SGCZ: variants seen among roughly 807,000 people sequenced by gnomAD.
The protein encoded by SGCZ is sarcoglycan zeta.
In SGCZ, 40 loss-of-function variants were observed where a neutral mutation model predicts 41.3. That is an observed-to-expected ratio of 0.97 (90% CI 0.75 to 1.26). SGCZ has a LOEUF of 1.26. Ranked by LOEUF, SGCZ falls within the 50% of genes most tolerant of loss-of-function variation. The pLI, the probability that SGCZ is intolerant of heterozygous loss-of-function variation, is 0.00. For synonymous variants in SGCZ, 206 were observed against 137.5 expected (o/e 1.50, Z -3.49); for missense variants, 552 against 369.8 (o/e 1.49, Z -4.04).
intron 2 of SGCZ, among the ~76,000 whole-genome samples, chr8:14,514,666 T>C (rs564951584): frequency 1.4e-5 from 2 of 148,022 alleles, no homozygotes; most frequent in Non-Finnish European, 3.0e-5. Context: ...TTTACATATA[T>C]ATGTAAATAT....
intron 2 of SGCZ, among the ~76,000 whole-genome samples, chr8:14,500,651 C>T (rs7829721): frequency 0.26 from 38,708 of 151,620 alleles, 4,957 homozygotes; most frequent in Admixed American, 0.29. Flanking sequence ...AAAATATATA[C>T]CTGTATTATT....
At chr8:15,213,411 C>A (rs924649203) in intron 1 of SGCZ, among the ~76,000 whole-genome samples, 60 of 151,392 alleles carry the variant, frequency 4.0e-4, no homozygotes, top group Admixed American at 7.9e-4. Flanking sequence ...TTCAATGTTT[C>A]TATATGTGAA....
At chr8:14,718,103 ACTCT>A (rs1228669476) in intron 1 of SGCZ, among the ~76,000 whole-genome samples, 3 of 151,020 alleles carry the variant, frequency 2.0e-5, no homozygotes, top group South Asian at 2.1e-4. Flanking sequence ...AATAACTGTG[ACTCT>A]CTAAGCTAAA....
intron 1 of SGCZ, among the ~76,000 whole-genome samples, chr8:15,173,175 G>T (rs1180719872): frequency 6.6e-6 from 1 of 152,164 alleles, no homozygotes; most frequent in Non-Finnish European, 1.5e-5. Context: ...GTGACCTTTA[G>T]CAATTTTTTA....
intron 1 of SGCZ, among the ~76,000 whole-genome samples, chr8:15,164,117 G>C (rs147454056): frequency 3.2e-4 from 49 of 152,262 alleles, no homozygotes; most frequent in Middle Eastern, 3.4e-3. Flanking sequence ...CATTCAAATT[G>C]TCAGCAAGCC....
intron 1 of SGCZ, among the ~76,000 whole-genome samples, chr8:14,821,077 G>T (rs1478784998): frequency 1.3e-5 from 2 of 151,732 alleles, no homozygotes; most frequent in Non-Finnish European, 3.0e-5. Flanking sequence ...CAAACCTTAA[G>T]ATAGACAACA....
At chr8:15,055,299 A>G (rs1804665360) in intron 1 of SGCZ, among the ~76,000 whole-genome samples, 1 of 152,206 alleles carries the variant, frequency 6.6e-6, no homozygotes, top group East Asian at 1.9e-4. Context: ...CCTGGTTCAC[A>G]TAAATTCTCA....
At chr8:14,856,903 C>A (rs1169068699) in intron 1 of SGCZ, among the ~76,000 whole-genome samples, 1 of 152,120 alleles carries the variant, frequency 6.6e-6, no homozygotes, top group African/African-American at 2.4e-5. Flanking sequence ...ACTGAGTCAA[C>A]AGTCAGTGTC....
chr8:15,037,973 T>A (rs867727030), intron 1 of SGCZ, among the ~76,000 whole-genome samples: 1 of 151,852 alleles, frequency 6.6e-6, no homozygotes, highest in Admixed American at 6.6e-5. Flanking sequence ...CACAAACATA[T>A]AAAAGATTCA....
chr8:15,062,742 T>C (rs1804983237), intron 1 of SGCZ, among the ~76,000 whole-genome samples: 1 of 152,206 alleles, frequency 6.6e-6, no homozygotes, highest in South Asian at 2.1e-4. Flanking sequence ...TATAAACTAG[T>C]ACTACAAGCT....
intron 1 of SGCZ, among the ~76,000 whole-genome samples, chr8:14,880,279 T>C (rs1017401479): frequency 2.0e-5 from 3 of 152,092 alleles, no homozygotes; most frequent in South Asian, 2.1e-4. Context: ...GTTAGAATGG[T>C]GATCATTAAA....
chr8:15,090,883 G>T, intron 1 of SGCZ, among the ~76,000 whole-genome samples: 1 of 152,146 alleles, frequency 6.6e-6, no homozygotes, highest in East Asian at 1.9e-4. Flanking sequence ...CAAGGGAAAC[G>T]CTAAGCAGCC....
intron 3 of SGCZ, among the ~76,000 whole-genome samples, chr8:14,265,044 T>G (rs774514181): frequency 2.0e-5 from 3 of 152,268 alleles, no homozygotes; most frequent in South Asian, 2.1e-4. Flanking sequence ...TTTTTCAGTA[T>G]GCAGGTGTCA....
intron 2 of SGCZ, among the ~76,000 whole-genome samples, chr8:14,436,397 T>A (rs982800026): frequency 2.6e-5 from 4 of 152,240 alleles, no homozygotes; most frequent in Non-Finnish European, 5.9e-5. Flanking sequence ...GTTAGCAATC[T>A]TCTCCAAAAT....
At chr8:15,231,649 T>G (rs924797002) in intron 1 of SGCZ, among the ~76,000 whole-genome samples, 1 of 145,166 alleles carries the variant, frequency 6.9e-6, no homozygotes, top group African/African-American at 2.6e-5. Flanking sequence ...GGAGACAGGT[T>G]CTCACTCTGT....
intron 1 of SGCZ, among the ~76,000 whole-genome samples, chr8:14,706,308 C>T (rs903098852): frequency 5.9e-5 from 9 of 151,530 alleles, no homozygotes; most frequent in African/African-American, 2.0e-4. Context: ...TTCAAACTCA[C>T]TATTGGGATT....
intron 1 of SGCZ, among the ~76,000 whole-genome samples, chr8:14,926,154 T>C (rs1799741878): frequency 2.0e-5 from 3 of 152,198 alleles, no homozygotes; most frequent in Admixed American, 2.0e-4. Context: ...AAATATTTCA[T>C]TTTTTCAGCA....
chr8:14,903,223 G>A (rs1363988233), intron 1 of SGCZ, among the ~76,000 whole-genome samples: 1 of 152,072 alleles, frequency 6.6e-6, no homozygotes, highest in Non-Finnish European at 1.5e-5. Context: ...TCAAGCAAAT[G>A]TTTTTAAACA....
chr8:14,218,117 CT>C (rs1234461503), intron 4 of SGCZ, among the ~76,000 whole-genome samples: 1 of 151,930 alleles, frequency 6.6e-6, no homozygotes, highest in Admixed American at 6.6e-5. Flanking sequence ...ACTGGTCCCC[CT>C]AGGCAGTATA....
Sources: allele counts gnomAD v4.1 joint callset (sites outside exome capture counted in the v4.1 genomes callset), GRCh38; gene constraint gnomAD v4.1.1; transcripts MANE v1.5; gene names NCBI Gene and HGNC (gene_info 2026-07-23, HGNC 2026-07-21).